The following ADGRB3 variants were observed in gnomAD, a reference collection of about 807,000 sequenced individuals.
ADGRB3 encodes the protein brain-specific angiogenesis inhibitor 3.
ADGRB3 carries 37 observed loss-of-function variants against 193.4 expected under a neutral mutation model. The observed-to-expected ratio is 0.19, with a 90% confidence interval of 0.15 to 0.25. The LOEUF (loss-of-function observed/expected upper bound fraction) is 0.25, where lower values mean the gene tolerates loss of function less well. Among genes scored for constraint, ADGRB3 ranks in the 10% least tolerant of loss-of-function variants. The pLI, the probability that ADGRB3 is intolerant of heterozygous loss-of-function variation, is 1.00. For missense variants in ADGRB3, 1,637 were observed against 1,852.9 expected, an observed-to-expected ratio of 0.88 and a Z score of 2.14; for synonymous variants, 690 against 644.2, an observed-to-expected ratio of 1.07 and a Z score of -1.08.
chr6:69,158,435 C>CAA (rs371530711), intron 17 of ADGRB3, among the ~76,000 whole-genome samples: 120,094 of 146,272 alleles, frequency 0.82, 49,694 homozygotes, highest in South Asian at 0.94. Context: ...AAAGTTCAGC[C>CAA]AAAAAAAAAA....
chr6:68,874,187 C>A (rs1250450591), intron 3 of ADGRB3, among the ~76,000 whole-genome samples: 1 of 152,020 alleles, frequency 6.6e-6, no homozygotes, highest in Admixed American at 6.6e-5. Context: ...ATGATAAATG[C>A]TACCATTTAT....
chr6:69,149,138 C>T (rs1179668218), intron 17 of ADGRB3, among the ~76,000 whole-genome samples: 7 of 152,092 alleles, frequency 4.6e-5, no homozygotes, highest in Non-Finnish European at 7.4e-5. Flanking sequence ...TACACCATCT[C>T]TCTACTTCCC....
rs781253779 is a variant in ADGRB3 at position 69,339,001 on chromosome 6, G to T, written c.3274G>T (p.Ala1092Ser). 6.2e-6 allele frequency: 10 copies of T among 1,613,460 alleles called. No individual in the cohort carries two copies. Among genetic ancestry groups the T allele is most frequent in the African/African-American group, 2.7e-5 (2 of 74,858 alleles). Reference sequence around the variant, plus strand: ...AACAACAGCTTTGTCAGCCACCACCGCCAGTAACGCCATGTTAGTCCCAAT... The same window carrying T: ...AACAACAGCTTTGTCAGCCACCACCTCCAGTAACGCCATGTTAGTCCCAAT... ...VSTTALSATTASNAMASLWSS... is the reference protein window; with the variant it reads ...VSTTALSATTSSNAMASLWSS... The change falls in exon 25 of 32, where the codon GCC becomes TCC. Residue 1092 changes from alanine to serine, a missense_variant. Transcript: ENST00000370598.
In ADGRB3 at chr6:69,235,122, G is replaced by A. The variant is rs777233417; in HGVS notation, c.2698G>A (p.Ala900Thr). The A allele has an allele frequency of 1.0e-5, 16 of 1,606,026 alleles. No homozygotes were observed. In the Admixed American group the frequency reaches 1.7e-4, roughly 17 times the overall value. The change falls in exon 19 of 32, where the codon GCA becomes ACA. Residue 900 changes from alanine to threonine, a missense_variant. By Grantham distance (58) the Ala-to-Thr change is moderately conservative. Around this residue, in one of 7 missense-constraint regions of ADGRB3, gnomAD observed 641 missense variants for 673.9 expected, o/e 0.95. Coordinates refer to ENST00000370598, the MANE Select transcript of ADGRB3 (RefSeq NM_001704.3). ...LALITLAVVY[A>T]ALWRYIRSER... ...CTTGATTACCCTAGCAGTTGTCTAT[G>A]CAGCATTATGGAGGTAAGTAATCAA...
At chr6:69,165,064 C>T (rs1051443854) in intron 17 of ADGRB3, among the ~76,000 whole-genome samples, 2 of 151,970 alleles carry the variant, frequency 1.3e-5, no homozygotes, top group African/African-American at 2.4e-5. Context: ...CTCTTCCACC[C>T]GGCATTATTT....
At chr6:68,913,553 C>G (rs985834223) in intron 3 of ADGRB3, among the ~76,000 whole-genome samples, 2 of 152,122 alleles carry the variant, frequency 1.3e-5, no homozygotes, top group African/African-American at 4.8e-5. Context: ...ACATCACCAT[C>G]ATCAAAGACC....
chr6:69,342,494 A>G (rs1768997550), intron 26 of ADGRB3, among the ~76,000 whole-genome samples: 1 of 152,150 alleles, frequency 6.6e-6, no homozygotes, highest in African/African-American at 2.4e-5. Flanking sequence ...ACAGATCCCA[A>G]GGAAGATATC....
At chr6:69,186,491 T>C (rs1298826348) in intron 17 of ADGRB3, among the ~76,000 whole-genome samples, 3 of 151,506 alleles carry the variant, frequency 2.0e-5, no homozygotes, top group African/African-American at 7.3e-5. Flanking sequence ...AGAATACAAG[T>C]AATGCAGAAG....
Position 69,177,593 on chromosome 6 carries a change from G to A in ADGRB3, c.2481-55697G>A, listed in dbSNP as rs541222495. The stretch of plus-strand genomic sequence containing the variant: ...GATCTCTTGACCTCGTGATCCACCC[G>A]CCTTGGCCTCCCAAAGTGCTGGGAT... On this transcript the variant is annotated intron_variant, in intron 17 of 31. Transcript: ENST00000370598. Among the ~76,000 whole-genome samples, 13 of 152,160 alleles carry A rather than the reference G, an allele frequency of 8.5e-5. No homozygotes were observed. The South Asian group carries it at 2.5e-3, about 29-fold the overall frequency.
At chr6:69,122,559 C>T (rs1349245414) in intron 17 of ADGRB3, among the ~76,000 whole-genome samples, 37 of 144,136 alleles carry the variant, frequency 2.6e-4, no homozygotes, top group Non-Finnish European at 1.4e-4. Context: ...AGTCTCTAGG[C>T]TTGTTTCTCT....
intron 3 of ADGRB3, among the ~76,000 whole-genome samples, chr6:68,856,044 G>A (rs112390614): frequency 2.3e-3 from 346 of 152,252 alleles, no homozygotes; most frequent in African/African-American, 8.0e-3. Context: ...TTAAAAATGG[G>A]AGTAGACCTG....
chr6:69,345,103 G>A (rs945137551), intron 26 of ADGRB3, among the ~76,000 whole-genome samples: 1 of 152,062 alleles, frequency 6.6e-6, no homozygotes, highest in African/African-American at 2.4e-5. Flanking sequence ...TTTCTGGTCA[G>A]AATGTTCAAT....
chr6:69,036,410 T>A (rs1206510124), intron 13 of ADGRB3, among the ~76,000 whole-genome samples: 1 of 152,146 alleles, frequency 6.6e-6, no homozygotes, highest in East Asian at 1.9e-4. Context: ...TTAAACTCAC[T>A]GCCTCTAATT....
intron 17 of ADGRB3, among the ~76,000 whole-genome samples, chr6:69,182,433 T>C (rs1775610881): frequency 6.6e-6 from 1 of 150,990 alleles, no homozygotes; most frequent in South Asian, 2.1e-4. Flanking sequence ...AGAAGGCTAG[T>C]TAAGGTATCC....
chr6:68,825,173 G>A (rs2127381704), intron 3 of ADGRB3, among the ~76,000 whole-genome samples: 1 of 152,020 alleles, frequency 6.6e-6, no homozygotes, highest in Non-Finnish European at 1.5e-5. Context: ...AGCCTCTTAT[G>A]GTCTACTTAT....
intron 17 of ADGRB3, among the ~76,000 whole-genome samples, chr6:69,114,530 A>ATT (rs1309542339): frequency 2.6e-5 from 4 of 152,098 alleles, no homozygotes; most frequent in Non-Finnish European, 4.4e-5. Context: ...CTATTTGTCA[A>ATT]TTTTGGCTTT....
intron 3 of ADGRB3, among the ~76,000 whole-genome samples, chr6:68,642,994 T>C (rs1768116551): frequency 6.6e-6 from 1 of 152,236 alleles, no homozygotes; most frequent in Non-Finnish European, 1.5e-5. Context: ...AAAAATATCT[T>C]ATTTCTTACC....
intron 17 of ADGRB3, among the ~76,000 whole-genome samples, chr6:69,168,464 G>T (rs1339259415): frequency 6.6e-6 from 1 of 152,090 alleles, no homozygotes; most frequent in Non-Finnish European, 1.5e-5. Context: ...CATTGATGGA[G>T]AACTAAAGGT....
chr6:69,371,981 G>T (rs1013907475), intron 29 of ADGRB3, among the ~76,000 whole-genome samples: 1 of 152,074 alleles, frequency 6.6e-6, no homozygotes, highest in Non-Finnish European at 1.5e-5. Context: ...CTAGAAGTTG[G>T]TTGAAGATGT....
Sources: gnomAD v4.1 joint callset for allele counts (sites outside exome capture counted in the v4.1 genomes callset) on GRCh38, gnomAD v4.1.1 for gene constraint, gnomAD v4.1.1 regional missense constraint, MANE v1.5 for transcripts, NCBI Gene and HGNC (gene_info 2026-07-23, HGNC 2026-07-21) for gene names.